MYRF: variants seen among roughly 807,000 people sequenced by gnomAD.
The protein encoded by MYRF is myelin gene regulatory factor.
A neutral mutation model predicts 126.3 loss-of-function variants in MYRF; 16 were observed. The ratio of observed to expected loss-of-function variants is 0.13; its 90% confidence interval spans 0.09 to 0.19. MYRF has a LOEUF of 0.19. Ranked by LOEUF, MYRF falls within the 10% of genes least tolerant of loss-of-function variation. The pLI is 1.00. For missense variants in MYRF, 1,104 were observed against 1,547.0 expected, an observed-to-expected ratio of 0.71 and a Z score of 4.80; for synonymous variants, 608 against 635.3, an observed-to-expected ratio of 0.96 and a Z score of 0.65.
At position 61,757,196 on chromosome 11, in the gene MYRF, G is replaced by C. The variant is rs1308238034; in HGVS notation, c.46+4406G>C. 4.4e-6 allele frequency: 2 copies of C among 456,748 alleles called. No individual in the cohort carries two copies. The highest frequency in any genetic ancestry group is 2.3e-5 in the Admixed American group (1 of 42,554). 28.3% of individuals were successfully genotyped at this position (456,748 alleles called of 1,614,324 possible). ...CTCCTATCTCCAGGCCTTCAGCCCC[G>C]GCTGCCACGGGGTGTGGGTACCTCT... On this transcript the variant is annotated intron_variant, in intron 1 of 26. Transcript: ENST00000278836. This position sits in a 1 kb window ranked among gnomAD's most constrained non-coding sequence, Gnocchi z 4.7.
intron 24 of MYRF, 138 bp downstream of exon 24, chr11:61,784,063 T>C (rs2066625367): frequency 8.8e-7 from 1 of 1,134,914 alleles, no homozygotes; most frequent in Non-Finnish European, 1.3e-6. Flanking sequence ...GCTGACTTCA[T>C]TGCCTACTTC....
At chr11:61,775,190 CAG>C (rs1168715865) in intron 8 of MYRF, among the ~76,000 whole-genome samples, 7 of 152,178 alleles carry the variant, frequency 4.6e-5, no homozygotes, top group African/African-American at 1.4e-4. Flanking sequence ...ACTTGAGACT[CAG>C]GGGGCCACAG....
chr11:61,784,549 C>A, intron 25 of MYRF, 164 bp downstream of exon 25: 1 of 612,654 alleles, frequency 1.6e-6, no homozygotes, highest in Non-Finnish European at 2.9e-6. Flanking sequence ...CAGGGAGGGG[C>A]ACGCGTGCCC....
intron 24 of MYRF, 32 bp from the exon 25 acceptor site, chr11:61,784,248 C>T (rs1476872932): frequency 6.2e-7 from 1 of 1,602,610 alleles, no homozygotes; most frequent in African/African-American, 1.3e-5. Context: ...ACTCTAGAAC[C>T]TCATTTCTCT....
intron 26 of MYRF, 72 bp downstream of exon 26, chr11:61,785,946 G>A: frequency 6.4e-7 from 1 of 1,573,544 alleles, no homozygotes; most frequent in Non-Finnish European, 8.7e-7. Context: ...TGAGGAATGG[G>A]GGGTTTGCAC....
rs1279799465 is a variant in MYRF, at chr11:61,766,366, G to A, written c.398+145G>A. On this transcript the variant is annotated intron_variant, in intron 3 of 26. Transcript: ENST00000278836. ...GCTGTGCGTGGGCAGGTGAGGGAAGGGAGGATGAGTCCAGGTCAAGGGGGG... is the reference window on the plus strand; with the variant it reads ...GCTGTGCGTGGGCAGGTGAGGGAAGAGAGGATGAGTCCAGGTCAAGGGGGG... The A allele has an allele frequency of 1.8e-5, 16 of 871,290 alleles. No homozygotes were observed. The Admixed American group carries it at 4.2e-4, about 23-fold the overall frequency. 54.0% of individuals were successfully genotyped at this position (871,290 alleles called of 1,614,324 possible).
intron 18 of MYRF, 81 bp from the exon 19 acceptor site, chr11:61,780,631 C>A: frequency 2.2e-6 from 3 of 1,388,460 alleles, no homozygotes; most frequent in Non-Finnish European, 2.0e-6. Context: ...TCACCCCCAG[C>A]TCCTGGGGCC....
intron 1 of MYRF, among the ~76,000 whole-genome samples, chr11:61,756,052 C>T (rs1158294417): frequency 6.6e-6 from 1 of 152,156 alleles, no homozygotes; most frequent in Non-Finnish European, 1.5e-5. Flanking sequence ...GCAGGGGCTT[C>T]CAATGTGATT....
rs369744463 is a variant in MYRF at position 61,773,957 on chromosome 11, G to T, written c.1116-10G>T. Reference sequence around the variant, plus strand: ...GGGCCTCAGGGGAGTGCCCTCACCCGCCCCCCCAGGCCCATGCTCACCTAC... The same window carrying T: ...GGGCCTCAGGGGAGTGCCCTCACCCTCCCCCCCAGGCCCATGCTCACCTAC... On this transcript the variant is annotated splice_polypyrimidine_tract_variant and intron_variant, in intron 7 of 26. Coordinates refer to ENST00000278836, the MANE Select transcript of MYRF (RefSeq NM_001127392.3). 40 of 888,678 alleles carry T rather than the reference G, an allele frequency of 4.5e-5. No individual in the cohort carries two copies. In the East Asian group the frequency reaches 1.3e-3, roughly 28 times the overall value. The allele number at this position is 888,678 out of a possible 1,614,324, so 55.0% of individuals were successfully genotyped here.
intron 1 of MYRF, among the ~76,000 whole-genome samples, chr11:61,761,261 G>GT (rs574113662): frequency 2.5e-5 from 3 of 120,834 alleles, no homozygotes; most frequent in African/African-American, 5.3e-5. Context: ...ACAGCTGGTG[G>GT]GGGGGGGGGC....
At chr11:61,767,395 C>T (rs1275542081) in intron 3 of MYRF, 1 of 456,534 alleles carries the variant, frequency 2.2e-6, no homozygotes, top group Admixed American at 2.3e-5. Context: ...GCCCTGGCCA[C>T]TGCTACCGTC....
intron 7 of MYRF, among the ~76,000 whole-genome samples, chr11:61,773,516 C>T (rs1356313507): frequency 6.6e-6 from 1 of 152,152 alleles, no homozygotes; most frequent in Non-Finnish European, 1.5e-5. Context: ...GCAGAGCAGG[C>T]GCCTGGTTCC....
chr11:61,777,841 G>A lies in MYRF; in HGVS notation c.1899G>A (p.Glu633=), dbSNP rs756795372. 3.2e-6 allele frequency: 5 copies of A among 1,551,438 alleles called. No individual in the cohort carries two copies. Residue 633 remains glutamate, a synonymous_variant, in exon 13 of 27, where the codon GAG becomes GAA. Coordinates refer to ENST00000278836, the MANE Select transcript of MYRF (RefSeq NM_001127392.3). This position sits in a 1 kb window ranked among gnomAD's most constrained non-coding sequence, Gnocchi z 8.8. ...ASAGIEATAP[E]TGVIAQEVKE... is the part of the protein sequence containing the mutation. The stretch of plus-strand genomic sequence containing the variant: ...CGGGCATCGAGGCCACCGCGCCAGA[G>A]ACAGGTAGGGACCGGGCTGGTGCGG...
intron 3 of MYRF, among the ~76,000 whole-genome samples, chr11:61,767,888 T>C (rs1229389898): frequency 7.0e-6 from 1 of 143,714 alleles, no homozygotes; most frequent in Non-Finnish European, 1.5e-5. Context: ...CAGGCTGAAG[T>C]GGGCAGATCA....
At chr11:61,780,371 T>A in intron 18 of MYRF, 81 bp downstream of exon 18, 1 of 1,258,964 alleles carries the variant, frequency 7.9e-7, no homozygotes, top group Non-Finnish European at 1.1e-6. Context: ...GCCATGAGAC[T>A]GTCTTCTCTA....
At chr11:61,785,697 A>T in intron 25 of MYRF, 103 bp from the exon 26 acceptor site, 1 of 922,738 alleles carries the variant, frequency 1.1e-6, no homozygotes, top group Admixed American at 2.2e-5. Flanking sequence ...TTTTTCCTTC[A>T]TAAAACTCCC....
Position 61,783,836 on chromosome 11 carries a change from G to A in MYRF, c.3120-15G>A, listed in dbSNP as rs571370047. 6.3e-7 allele frequency: 1 copy of A among 1,594,012 alleles called. No individual in the cohort carries two copies. The highest frequency in any genetic ancestry group is 2.3e-5 in the East Asian group (1 of 44,176). On this transcript the variant is annotated splice_polypyrimidine_tract_variant and intron_variant, in intron 23 of 26. Coordinates refer to ENST00000278836, the MANE Select transcript of MYRF (RefSeq NM_001127392.3). This position sits in a 1 kb window ranked among gnomAD's most constrained non-coding sequence, Gnocchi z 4.6. ...AGGGTACCCTCAGGCTAAGGTGCCAGTTTTGCCCCTGCAGGCCTGGGAACT... is the reference window on the plus strand; with the variant it reads ...AGGGTACCCTCAGGCTAAGGTGCCAATTTTGCCCCTGCAGGCCTGGGAACT...
chr11:61,780,871 T>C, intron 19 of MYRF, 79 bp downstream of exon 19: 1 of 1,581,090 alleles, frequency 6.3e-7, no homozygotes, highest in East Asian at 2.3e-5. Context: ...CTCTGCCTCT[T>C]CCTGCCCTCC....
intron 1 of MYRF, among the ~76,000 whole-genome samples, chr11:61,759,234 G>A: frequency 6.6e-6 from 1 of 152,236 alleles, no homozygotes; most frequent in East Asian, 1.9e-4. Flanking sequence ...TGGCCTCGGT[G>A]CTGTTGGACC....
Sources: allele counts gnomAD v4.1 joint callset (sites outside exome capture counted in the v4.1 genomes callset), GRCh38; gene constraint gnomAD v4.1.1; non-coding constraint Gnocchi (gnomAD v3.1); transcripts MANE v1.5; gene names NCBI Gene and HGNC (gene_info 2026-07-23, HGNC 2026-07-21).